Variants in CNTNAP2 observed in about 807,000 individuals in gnomAD.
The protein encoded by CNTNAP2 is contactin-associated protein-like 2.
In CNTNAP2, 98 loss-of-function variants were observed where a neutral mutation model predicts 155.2. That is an observed-to-expected ratio of 0.63 (90% CI 0.54 to 0.75). The LOEUF is 0.75. CNTNAP2 is among the 30% of genes least tolerant of loss of function. The pLI, the probability that CNTNAP2 is intolerant of heterozygous loss-of-function variation, is 0.00. For missense variants in CNTNAP2, 1,727 were observed against 1,688.1 expected (o/e 1.02, Z -0.40); for synonymous variants, 651 against 631.2 (o/e 1.03, Z -0.47).
intron 3 of CNTNAP2, among the ~76,000 whole-genome samples, chr7:146,887,326 T>C (rs1795687717): frequency 6.6e-6 from 1 of 151,872 alleles, no homozygotes; most frequent in Non-Finnish European, 1.5e-5. Flanking sequence ...TTCTGTTTTA[T>C]GTTTTGTTTT....
At position 148,356,988 on chromosome 7, in the gene CNTNAP2, T is replaced by C. The variant is rs76586336; in HGVS notation, c.3476-26661T>C. ...TAAACTGATTTGAAGCGTGAGGCCC[T>C]GCGTGATATATACTGTAGGAGACCT... is the stretch of plus-strand genomic sequence containing the variant. On this transcript the variant is annotated intron_variant, in intron 21 of 23. Coordinates refer to ENST00000361727, the MANE Select transcript of CNTNAP2 (RefSeq NM_014141.6). 6.8e-3 allele frequency among the ~76,000 whole-genome samples: 1,033 copies of C among 152,234 alleles called. 3 individuals are homozygous for C. Among genetic ancestry groups the C allele is most frequent in the Middle Eastern group, 0.02 (6 of 294 alleles).
At chr7:146,615,539 GC>G (rs1799209974) in intron 1 of CNTNAP2, among the ~76,000 whole-genome samples, 1 of 152,222 alleles carries the variant, frequency 6.6e-6, no homozygotes, top group African/African-American at 2.4e-5. Context: ...ATAATTGGTT[GC>G]AGGTGCTGTT....
At chr7:147,709,274 T>C (rs372877393) in intron 13 of CNTNAP2, among the ~76,000 whole-genome samples, 65 of 152,292 alleles carry the variant, frequency 4.3e-4, no homozygotes, top group African/African-American at 1.4e-3. Context: ...TGGTAAAGAA[T>C]TTTAGATCTG....
At chr7:147,783,187 G>A (rs1042650425) in intron 13 of CNTNAP2, among the ~76,000 whole-genome samples, 1 of 152,144 alleles carries the variant, frequency 6.6e-6, no homozygotes, top group Non-Finnish European at 1.5e-5. Context: ...TATCAATATT[G>A]TATGTTTTAG....
chr7:148,347,256 CAA>C (rs753738070), intron 21 of CNTNAP2, among the ~76,000 whole-genome samples: 13 of 99,434 alleles, frequency 1.3e-4, no homozygotes, highest in Admixed American at 2.2e-4. Flanking sequence ...GACTCCGTCT[CAA>C]AAAAAAAAAA....
intron 9 of CNTNAP2, among the ~76,000 whole-genome samples, chr7:147,347,818 G>A (rs1461256390): frequency 1.3e-5 from 2 of 151,844 alleles, no homozygotes; most frequent in Non-Finnish European, 1.5e-5. Context: ...GCATAATACT[G>A]GCCTTAAAAC....
intron 9 of CNTNAP2, among the ~76,000 whole-genome samples, chr7:147,317,586 C>G (rs1310184261): frequency 6.6e-6 from 1 of 152,186 alleles, no homozygotes; most frequent in African/African-American, 2.4e-5. Flanking sequence ...ACTTCTTTCT[C>G]AAATCTCACT....
intron 9 of CNTNAP2, among the ~76,000 whole-genome samples, chr7:147,393,697 G>GA (rs1260906059): frequency 3.3e-5 from 5 of 151,822 alleles, no homozygotes; most frequent in Admixed American, 3.3e-4. Flanking sequence ...CAATGCGAAT[G>GA]AAAAAAATGT....
intron 1 of CNTNAP2, among the ~76,000 whole-genome samples, chr7:146,351,432 G>T (rs577880750): frequency 6.6e-6 from 1 of 152,174 alleles, no homozygotes; most frequent in African/African-American, 2.4e-5. Flanking sequence ...AAATCAATTT[G>T]TAAGAATTTC....
chr7:147,741,192 C>T (rs1485540942), intron 13 of CNTNAP2, among the ~76,000 whole-genome samples: 1 of 152,220 alleles, frequency 6.6e-6, no homozygotes, highest in African/African-American at 2.4e-5. Context: ...CTGGCCGCAG[C>T]ACTGTCTGCT....
chr7:146,929,963 C>T (rs1229521523), intron 3 of CNTNAP2, among the ~76,000 whole-genome samples: 3 of 152,158 alleles, frequency 2.0e-5, no homozygotes, highest in Admixed American at 6.5e-5. Context: ...CTACGTCTGA[C>T]TGGTGTACCT....
At chr7:146,795,527 A>T (rs556250726) in intron 2 of CNTNAP2, among the ~76,000 whole-genome samples, 1 of 152,328 alleles carries the variant, frequency 6.6e-6, no homozygotes, top group African/African-American at 2.4e-5. Flanking sequence ...ATGGAATGTA[A>T]CCTTGGCTCA....
At chr7:147,496,228 C>T (rs1314019504) in intron 11 of CNTNAP2, among the ~76,000 whole-genome samples, 2 of 152,186 alleles carry the variant, frequency 1.3e-5, no homozygotes, top group Non-Finnish European at 2.9e-5. Context: ...CCATCCCCTA[C>T]CTCCTGATCC....
chr7:147,769,907 A>G (rs552431395), intron 13 of CNTNAP2, among the ~76,000 whole-genome samples: 2 of 152,310 alleles, frequency 1.3e-5, no homozygotes, highest in East Asian at 3.9e-4. Flanking sequence ...TTGAGATTAA[A>G]TAAGCTAGTA....
intron 12 of CNTNAP2, among the ~76,000 whole-genome samples, chr7:147,588,273 G>A (rs1296477081): frequency 6.6e-6 from 1 of 152,098 alleles, no homozygotes; most frequent in East Asian, 1.9e-4. Context: ...CCTCCTTTGT[G>A]AGAAGGGAAA....
chr7:147,076,739 A>G (rs1489774175), intron 4 of CNTNAP2, among the ~76,000 whole-genome samples: 4 of 152,178 alleles, frequency 2.6e-5, no homozygotes, highest in African/African-American at 7.2e-5. Flanking sequence ...CATTAATACT[A>G]TGGGTGATGA....
intron 14 of CNTNAP2, among the ~76,000 whole-genome samples, chr7:147,936,457 A>G (rs1355224157): frequency 1.3e-5 from 2 of 152,146 alleles, no homozygotes; most frequent in African/African-American, 4.8e-5. Flanking sequence ...AAAGGAGAGT[A>G]TTTTTGTATC....
rs533495435 is a variant in CNTNAP2 at position 146,280,615 on chromosome 7, C to A, written c.97+163642C>A. Among the ~76,000 whole-genome samples, 3 of 152,260 alleles carry A rather than the reference C, an allele frequency of 2.0e-5. No individual in the cohort carries two copies. In the East Asian group the frequency reaches 5.8e-4, roughly 29 times the overall value. On this transcript the variant is annotated intron_variant, in intron 1 of 23. Transcript: ENST00000361727. ...TGAATTCTGTCTCCACATTATGTAT[C>A]ATTTGGGCAGATTTTCATAAGTAGG...
intron 1 of CNTNAP2, among the ~76,000 whole-genome samples, chr7:146,326,195 C>G (rs754057175): frequency 2.0e-5 from 3 of 152,176 alleles, no homozygotes; most frequent in Non-Finnish European, 4.4e-5. Context: ...CACATGCACT[C>G]TCACACACAC....
Sources: allele counts gnomAD v4.1 joint callset (sites outside exome capture counted in the v4.1 genomes callset), GRCh38; gene constraint gnomAD v4.1.1; transcripts MANE v1.5; gene names NCBI Gene and HGNC (gene_info 2026-07-23, HGNC 2026-07-21).